Variants in TMOD1 observed in about 807,000 individuals in gnomAD.
TMOD1 encodes tropomodulin 1.
A neutral mutation model predicts 40.6 loss-of-function variants in TMOD1; 17 were observed. The ratio of observed to expected loss-of-function variants is 0.42; its 90% CI spans 0.29 to 0.63. TMOD1 has a LOEUF of 0.63. TMOD1 is among the 20% of genes least tolerant of loss of function. TMOD1 has a pLI of 0.22. For synonymous variants in TMOD1, 181 were observed against 175.0 expected (o/e 1.03, Z -0.27); for missense variants, 391 against 447.6 (o/e 0.87, Z 1.14).
chr9:97,566,329 A>C (rs1438039689), intron 7 of TMOD1, among the ~76,000 whole-genome samples: 1 of 152,234 alleles, frequency 6.6e-6, no homozygotes, highest in Non-Finnish European at 1.5e-5. Flanking sequence ...ACATCATATT[A>C]GAACAAGAGC....
chr9:97,560,669 G>GTATATA (rs3052076), intron 4 of TMOD1, among the ~76,000 whole-genome samples: 117 of 144,750 alleles, frequency 8.1e-4, no homozygotes, highest in African/African-American at 2.5e-3. Flanking sequence ...TTTTTGTATT[G>GTATATA]TATATATATA....
At chr9:97,549,006 C>G (rs570251483) in intron 3 of TMOD1, among the ~76,000 whole-genome samples, 15 of 152,104 alleles carry the variant, frequency 9.9e-5, no homozygotes, top group Admixed American at 8.5e-4. Flanking sequence ...CACCCCACAC[C>G]GCAAGACCTG....
At chr9:97,504,170 A>G (rs1416340233) in intron 1 of TMOD1, among the ~76,000 whole-genome samples, 1 of 152,234 alleles carries the variant, frequency 6.6e-6, no homozygotes, top group African/African-American at 2.4e-5. Context: ...GGAGACAACA[A>G]TAGCCCCATT....
chr9:97,530,430 G>T (rs1830079441), intron 2 of TMOD1, among the ~76,000 whole-genome samples: 1 of 150,836 alleles, frequency 6.6e-6, no homozygotes, highest in South Asian at 2.1e-4. Flanking sequence ...AACAATAATG[G>T]AAAACAACAG....
At position 97,557,802 on chromosome 9, in the gene TMOD1, AC is replaced by A. The variant is rs1484031376; in HGVS notation, c.397+4403del. Reference sequence around the variant, plus strand: ...AACTCTGCCAAGGCAGGGAGAGGAAACAGAACTCAATGTTCTTTTTCAGAGT... The same window carrying A: ...AACTCTGCCAAGGCAGGGAGAGGAAAAGAACTCAATGTTCTTTTTCAGAGT... On this transcript the variant is annotated intron_variant, in intron 4 of 9. Transcript: ENST00000259365. The surrounding 1 kb of genome is among the most constrained non-coding windows in gnomAD (Gnocchi z 4.4). 1.3e-5 allele frequency among the ~76,000 whole-genome samples: 2 copies of A among 152,192 alleles called. No homozygotes were observed. Among genetic ancestry groups the A allele is most frequent in the African/African-American group, 4.8e-5 (2 of 41,454 alleles).
intron 9 of TMOD1, among the ~76,000 whole-genome samples, chr9:97,599,278 A>G (rs1826195510): frequency 6.6e-6 from 1 of 152,208 alleles, no homozygotes; most frequent in South Asian, 2.1e-4. Context: ...TAAGACCCTA[A>G]TCTCATTAAG....
intron 2 of TMOD1, among the ~76,000 whole-genome samples, chr9:97,524,934 C>T (rs1333190515): frequency 6.6e-6 from 1 of 152,024 alleles, no homozygotes; most frequent in African/African-American, 2.4e-5. Context: ...CCAGAAACAC[C>T]CTCACAGACA....
chr9:97,505,928 C>A (rs531612164), intron 1 of TMOD1, among the ~76,000 whole-genome samples: 11 of 152,170 alleles, frequency 7.2e-5, no homozygotes, highest in Non-Finnish European at 1.5e-4. Context: ...TCTTCACCTG[C>A]GTCAATTGTC....
intron 5 of TMOD1, among the ~76,000 whole-genome samples, 193 bp from the exon 6 acceptor site, chr9:97,563,845 A>G (rs1830678013): frequency 5.9e-5 from 9 of 152,178 alleles, no homozygotes; most frequent in Admixed American, 5.9e-4. Flanking sequence ...GCAGAGTCCA[A>G]GTAGAACCCC....
intron 2 of TMOD1, among the ~76,000 whole-genome samples, chr9:97,524,677 C>G (rs529313987): frequency 8.5e-5 from 13 of 152,172 alleles, no homozygotes; most frequent in Admixed American, 6.5e-4. Context: ...ATACAAATAA[C>G]CAGCAGGCCG....
intron 1 of TMOD1, among the ~76,000 whole-genome samples, chr9:97,517,437 T>TG (rs2131215757): frequency 6.6e-6 from 1 of 152,180 alleles, no homozygotes; most frequent in East Asian, 1.9e-4. Flanking sequence ...CCCAAGGGTC[T>TG]GGCCTGGGTG....
At chr9:97,586,867 C>T (rs948877513) in intron 8 of TMOD1, among the ~76,000 whole-genome samples, 16 of 152,302 alleles carry the variant, frequency 1.1e-4, no homozygotes, top group Admixed American at 3.9e-4. Context: ...CTTCGGCTCG[C>T]GCACGGTGCA....
chr9:97,599,615 T>TATC lies in TMOD1; in HGVS notation c.1016-18_1016-16dup, dbSNP rs760628036. The TATC allele has an allele frequency of 4.0e-5, 64 of 1,614,110 alleles. No individual in the cohort carries two copies. Among genetic ancestry groups the TATC allele is most frequent in the Middle Eastern group, 1.6e-4 (1 of 6,062 alleles). On this transcript the variant is annotated intron_variant, in intron 9 of 9. Coordinates refer to ENST00000259365, the MANE Select transcript of TMOD1 (RefSeq NM_003275.4). ...CTACAGGGAAAAGTGCCTTATATCT[T>TATC]ATCTCCATTCCTTTCCAGTGAGGAA...
intron 1 of TMOD1, among the ~76,000 whole-genome samples, chr9:97,520,409 G>A (rs1056218821): frequency 2.0e-5 from 3 of 152,028 alleles, no homozygotes; most frequent in Non-Finnish European, 4.4e-5. Context: ...GTTTGCAGTG[G>A]GCTCTCTGAA....
intron 6 of TMOD1, among the ~76,000 whole-genome samples, chr9:97,564,778 C>A (rs796321267): frequency 6.6e-6 from 1 of 152,022 alleles, no homozygotes; most frequent in Non-Finnish European, 1.5e-5. Flanking sequence ...CCTGAACAGG[C>A]CGCCGCAGGA....
intron 1 of TMOD1, among the ~76,000 whole-genome samples, chr9:97,522,117 G>A (rs1283046227): frequency 1.3e-5 from 2 of 152,170 alleles, no homozygotes; most frequent in Non-Finnish European, 2.9e-5. Context: ...ACATAAGTTT[G>A]CCTGGGCTGC....
At chr9:97,550,021 C>T (rs1830424178) in intron 3 of TMOD1, among the ~76,000 whole-genome samples, 1 of 152,150 alleles carries the variant, frequency 6.6e-6, no homozygotes. Flanking sequence ...AAAATAAAAC[C>T]CTGTACCTAT....
intron 4 of TMOD1, chr9:97,555,701 C>G: frequency 6.5e-7 from 1 of 1,549,390 alleles, no homozygotes; most frequent in Non-Finnish European, 8.7e-7. Flanking sequence ...CTACCATGTC[C>G]CAGGTTCTAT....
chr9:97,597,955 T>C (rs1826150046), intron 9 of TMOD1, among the ~76,000 whole-genome samples: 1 of 152,004 alleles, frequency 6.6e-6, no homozygotes, highest in African/African-American at 2.4e-5. Context: ...TCAGATGCGA[T>C]ATGGATATGG....
Sources: allele counts gnomAD v4.1 joint callset (sites outside exome capture counted in the v4.1 genomes callset), GRCh38; gene constraint gnomAD v4.1.1; non-coding constraint Gnocchi (gnomAD v3.1); transcripts MANE v1.5; gene names NCBI Gene and HGNC (gene_info 2026-07-23, HGNC 2026-07-21).